The following EEA1 variants were observed in gnomAD, a reference collection of about 807,000 sequenced individuals.
EEA1 encodes the protein early endosome antigen 1.
A neutral mutation model predicts 209.2 loss-of-function variants in EEA1; 111 were observed. That is an observed-to-expected ratio of 0.53 (90% CI 0.45 to 0.62). The LOEUF (loss-of-function observed/expected upper bound fraction) is 0.62. EEA1 is among the 20% of genes least tolerant of loss of function. The probability of loss-of-function intolerance (pLI) is 0.00; values close to 1 mark genes in which losing one functional copy is unlikely to be tolerated. For synonymous variants in EEA1, 536 were observed against 540.6 expected (o/e 0.99, Z 0.12); for missense variants, 1,343 against 1,530.8 (o/e 0.88, Z 2.05).
chr12:92,806,942 A>ATTTTTTTTTTTTTTTTTTTTTT (rs34717047), intron 18 of EEA1, among the ~76,000 whole-genome samples: 5 of 147,470 alleles, frequency 3.4e-5, no homozygotes, highest in African/African-American at 1.0e-4. Flanking sequence ...TTTTTTAATA[A>ATTTTTTTTTTTTTTTTTTTTTT]TTTTTTTTTT....
chr12:92,877,367 G>T (rs1316401133), intron 2 of EEA1, among the ~76,000 whole-genome samples: 3 of 151,922 alleles, frequency 2.0e-5, no homozygotes, highest in African/African-American at 7.3e-5. Flanking sequence ...GGAGATAGGA[G>T]GTGGGTAACA....
Position 92,867,885 on chromosome 12 carries a change from A to G in EEA1, c.118-2898T>C, listed in dbSNP as rs1177818436. The stretch of plus-strand genomic sequence containing the variant: ...GTGTGTGAGAGAGAGAGAGAGACAC[A>G]GTCACTGGAATTCAGTACGAAAGAA... On this transcript the variant is annotated intron_variant, in intron 2 of 28. Coordinates refer to ENST00000322349, the MANE Select transcript of EEA1 (RefSeq NM_003566.4). 2.0e-5 allele frequency among the ~76,000 whole-genome samples: 3 copies of G among 151,948 alleles called. 1 individual carries two copies. The highest frequency in any genetic ancestry group is 6.6e-5 in the Admixed American group (1 of 15,254).
intron 18 of EEA1, among the ~76,000 whole-genome samples, chr12:92,803,916 C>G (rs534193314): frequency 1.2e-4 from 18 of 151,956 alleles, no homozygotes; most frequent in Non-Finnish European, 1.9e-4. Context: ...ATTACAAAAT[C>G]ATAAGACTAT....
chr12:92,904,196 G>T (rs1880275300), intron 1 of EEA1, among the ~76,000 whole-genome samples: 1 of 152,012 alleles, frequency 6.6e-6, no homozygotes, highest in African/African-American at 2.4e-5. Context: ...CCTGACCTCA[G>T]GTGATCTGCC....
chr12:92,784,991 GTTTT>G lies in EEA1; in HGVS notation c.3151-2860_3151-2857del, dbSNP rs141504082. Among the ~76,000 whole-genome samples, 769 of 138,888 alleles carry G rather than the reference GTTTT, an allele frequency of 5.5e-3. 27 individuals carry two copies. In the East Asian group the frequency reaches 0.11, roughly 19 times the overall value. The allele number at this position is 138,888 out of a possible 152,430, so 91.1% of individuals were successfully genotyped here. On this transcript the variant is annotated intron_variant, in intron 22 of 28. Coordinates refer to ENST00000322349, the MANE Select transcript of EEA1 (RefSeq NM_003566.4). ...TCTGCAGTGTTCCATGGTAGCTGTTGTTTTTGTCTATTCAGCAAGTTTTCCCATA... is the reference window on the plus strand; with the variant it reads ...TCTGCAGTGTTCCATGGTAGCTGTTGTGTCTATTCAGCAAGTTTTCCCATA...
intron 2 of EEA1, among the ~76,000 whole-genome samples, chr12:92,878,468 A>C: frequency 6.6e-6 from 1 of 152,206 alleles, no homozygotes; most frequent in East Asian, 1.9e-4. Flanking sequence ...CAGCTAAAAG[A>C]ATAGCAAGTT....
intron 21 of EEA1, among the ~76,000 whole-genome samples, chr12:92,795,734 T>C (rs1049477231): frequency 6.6e-6 from 1 of 152,240 alleles, no homozygotes; most frequent in Non-Finnish European, 1.5e-5. Flanking sequence ...CCTCCTTTCA[T>C]AGAGTTCTTC....
At chr12:92,777,466 T>A in intron 27 of EEA1, 77 bp downstream of exon 27, 1 of 1,455,396 alleles carries the variant, frequency 6.9e-7, no homozygotes, top group Non-Finnish European at 9.2e-7. Flanking sequence ...TGAGATTTTT[T>A]AAAAGGTAAA....
intron 10 of EEA1, among the ~76,000 whole-genome samples, chr12:92,837,564 T>C (rs1435937639): frequency 6.6e-6 from 1 of 152,188 alleles, no homozygotes; most frequent in East Asian, 1.9e-4. Flanking sequence ...GTAGTGACTG[T>C]AGATAAGCAA....
intron 18 of EEA1, among the ~76,000 whole-genome samples, chr12:92,807,609 A>C (rs1168905932): frequency 2.0e-5 from 3 of 152,190 alleles, no homozygotes; most frequent in Admixed American, 2.0e-4. Context: ...AAGTCAATAT[A>C]TATTTAAAAA....
In EEA1 at chr12:92,809,075, T is replaced by C; in HGVS notation, c.2281A>G (p.Thr761Ala). 2.5e-6 allele frequency: 4 copies of C among 1,608,314 alleles called. No individual in the cohort carries two copies. Among genetic ancestry groups the C allele is most frequent in the Non-Finnish European group, 3.4e-6 (4 of 1,176,936 alleles). ...QDLQQQRQLN[T>A]DLELRATELS... ...TCTGTGGCTCTGAGCTCTAAATCTG[T>C]GTTCAGCTGTCTTTGCTGTTGTAGA... Residue 761 changes from threonine (T) to alanine (A), a missense_variant, in exon 18 of 29, where the codon ACA (threonine) becomes GCA (alanine). Around this residue, in one of 3 missense-constraint regions of EEA1, gnomAD observed 1,307 missense variants for 1,465.5 expected, o/e 0.89. Coordinates refer to ENST00000322349, the MANE Select transcript of EEA1 (RefSeq NM_003566.4).
chr12:92,808,984 C>T, intron 18 of EEA1, 33 bp downstream of exon 18: 1 of 1,546,894 alleles, frequency 6.5e-7, no homozygotes, highest in Non-Finnish European at 8.7e-7. Context: ...ACAATCTTTT[C>T]CCTTAATTTG....
At chr12:92,862,150 T>C (rs1207235675) in intron 3 of EEA1, among the ~76,000 whole-genome samples, 1 of 151,968 alleles carries the variant, frequency 6.6e-6, no homozygotes, top group Non-Finnish European at 1.5e-5. Context: ...TATAGTGGAG[T>C]AGAATGTAAT....
chr12:92,889,638 C>T (rs1291762415), intron 2 of EEA1, among the ~76,000 whole-genome samples: 1 of 152,076 alleles, frequency 6.6e-6, no homozygotes, highest in East Asian at 1.9e-4. Flanking sequence ...GTGACTCATG[C>T]CTCTAATCCC....
At chr12:92,926,621 C>T (rs1445960982) in intron 1 of EEA1, among the ~76,000 whole-genome samples, 3 of 152,300 alleles carry the variant, frequency 2.0e-5, no homozygotes, top group African/African-American at 4.8e-5. Context: ...GGGACTCTTA[C>T]GTCCTCTCAC....
At chr12:92,840,463 C>T (rs1046328993) in intron 10 of EEA1, among the ~76,000 whole-genome samples, 5 of 152,144 alleles carry the variant, frequency 3.3e-5, no homozygotes, top group Non-Finnish European at 5.9e-5. Context: ...CAGGCATGTG[C>T]CACCACACCC....
At chr12:92,907,956 G>A (rs991967808) in intron 1 of EEA1, among the ~76,000 whole-genome samples, 49 of 152,246 alleles carry the variant, frequency 3.2e-4, no homozygotes, top group African/African-American at 1.1e-3. Flanking sequence ...GTGACAGAGT[G>A]AGACTGTCTC....
chr12:92,831,833 C>G (rs1427703084), intron 11 of EEA1, among the ~76,000 whole-genome samples: 2 of 151,322 alleles, frequency 1.3e-5, no homozygotes, highest in African/African-American at 4.8e-5. Flanking sequence ...CGCCTGTAAT[C>G]CCAGCACTTT....
Position 92,924,084 on chromosome 12 carries a change from C to CTGG in EEA1, c.24+4958_24+4959insCCA, listed in dbSNP as rs1245238313. On this transcript the variant is annotated intron_variant, in intron 1 of 28. Coordinates refer to ENST00000322349, the MANE Select transcript of EEA1 (RefSeq NM_003566.4). ...GTGACGGTGTCACTGTGTCACTGCA[C>CTGG]TCCATCCTGGCTGACAGAGCAAGAC... is the stretch of plus-strand genomic sequence containing the variant. Among the ~76,000 whole-genome samples the CTGG allele has an allele frequency of 3.3e-5, 5 of 152,050 alleles. No individual in the cohort carries two copies. In the East Asian group the frequency reaches 9.6e-4, roughly 29 times the overall value.
Sources: allele counts gnomAD v4.1 joint callset (sites outside exome capture counted in the v4.1 genomes callset), GRCh38; gene constraint gnomAD v4.1.1; regional missense constraint gnomAD v4.1.1; transcripts MANE v1.5; gene names NCBI Gene and HGNC (gene_info 2026-07-23, HGNC 2026-07-21).